ARPC2: variants seen among roughly 807,000 people sequenced by gnomAD.
The protein encoded by ARPC2 is actin-related protein 2/3 complex subunit 2.
In ARPC2, 4 loss-of-function variants were observed where a neutral mutation model predicts 38.6. That is an observed-to-expected ratio of 0.10 (90% CI 0.05 to 0.24). The LOEUF is 0.24. Among genes scored for constraint, ARPC2 ranks in the 10% least tolerant of loss-of-function variants. ARPC2 has a pLI of 1.00. For missense variants in ARPC2, 229 were observed against 387.3 expected (o/e 0.59, Z 3.43); for synonymous variants, 125 against 140.8 (o/e 0.89, Z 0.79).
intron 4 of ARPC2, 77 bp downstream of exon 4, chr2:218,228,927 A>G (rs1689568638): frequency 8.5e-6 from 8 of 939,326 alleles, no homozygotes; most frequent in Middle Eastern, 2.1e-4. Context: ...TGGAAGATCC[A>G]TGGCACTAAA....
intron 8 of ARPC2, among the ~76,000 whole-genome samples, chr2:218,246,214 T>C (rs1437971992): frequency 1.4e-5 from 2 of 142,492 alleles, no homozygotes; most frequent in Non-Finnish European, 3.0e-5. Flanking sequence ...AAGACTCTTG[T>C]CTCCAAAAAA....
chr2:218,225,168 TA>T (rs1243724270), intron 2 of ARPC2, among the ~76,000 whole-genome samples: 13 of 152,142 alleles, frequency 8.5e-5, no homozygotes, highest in Non-Finnish European at 1.5e-5. Context: ...TTATTGATGA[TA>T]GGGGAGAATG....
At chr2:218,217,704 C>T (rs991418755) in intron 2 of ARPC2, among the ~76,000 whole-genome samples, 160 bp downstream of exon 2, 2 of 152,106 alleles carry the variant, frequency 1.3e-5, no homozygotes, top group African/African-American at 4.8e-5. Flanking sequence ...CGATTGGGCG[C>T]GGCCGGGCGA....
At chr2:218,218,133 C>T (rs930326339) in intron 2 of ARPC2, among the ~76,000 whole-genome samples, 26 of 152,306 alleles carry the variant, frequency 1.7e-4, no homozygotes, top group African/African-American at 4.3e-4. Flanking sequence ...CTGTGAGAGA[C>T]ACTGGGCCAT....
At chr2:218,225,387 G>C (rs1006860678) in intron 2 of ARPC2, among the ~76,000 whole-genome samples, 2 of 152,172 alleles carry the variant, frequency 1.3e-5, no homozygotes, top group African/African-American at 4.8e-5. Flanking sequence ...AAGTACTTTG[G>C]TGATGTAAAG....
At position 218,238,808 on chromosome 2, in the gene ARPC2, G is replaced by T. The variant is rs1399025004; in HGVS notation, c.413G>T (p.Gly138Val). The change falls in exon 6 of 11, where the codon GGA becomes GTA. Residue 138 changes from glycine (G) to valine (V), a missense_variant. Around this residue, in one of 3 missense-constraint regions of ARPC2, gnomAD observed 135 missense variants for 214.1 expected, o/e 0.63. Transcript: ENST00000315717. ...CAATTCCAAGAAGAGGGCAAGGAAG[G>T]AGAGAACAGGGCAGTTATCCATTAT... ...YFQFQEEGKE[G>V]ENRAVIHYRD... 4.3e-6 allele frequency: 7 copies of T among 1,614,008 alleles called. No individual in the cohort carries two copies. Among genetic ancestry groups the T allele is most frequent in the Non-Finnish European group, 5.9e-6 (7 of 1,179,984 alleles).
At chr2:218,251,100 G>T (rs1412252890) in intron 10 of ARPC2, among the ~76,000 whole-genome samples, 1 of 152,070 alleles carries the variant, frequency 6.6e-6, no homozygotes, top group Non-Finnish European at 1.5e-5. Flanking sequence ...CCTCCCATCT[G>T]CTGTCTTTTG....
chr2:218,249,349 G>A lies in ARPC2; in HGVS notation c.677-15G>A. 6.3e-7 allele frequency: 1 copy of A among 1,595,876 alleles called. No homozygotes were observed. The highest frequency in any genetic ancestry group is 1.3e-5 in the African/African-American group (1 of 74,510). ...TGTCGTGTCCTGACGCCTTGTTTGT[G>A]TCTTCCGCCTTCAGTGCTGTTCCCT... On this transcript the variant is annotated splice_polypyrimidine_tract_variant and intron_variant, in intron 8 of 10. Transcript: ENST00000315717.
chr2:218,249,169 C>T (rs112571465), intron 8 of ARPC2, among the ~76,000 whole-genome samples, 195 bp from the exon 9 acceptor site: 206 of 152,306 alleles, frequency 1.4e-3, no homozygotes, highest in African/African-American at 4.8e-3. Context: ...CCTCCATTCA[C>T]GCTCGTTGAC....
intron 6 of ARPC2, chr2:218,239,164 A>G (rs1007773448): frequency 1.4e-5 from 8 of 585,286 alleles, no homozygotes; most frequent in Non-Finnish European, 2.4e-5. Flanking sequence ...TGTTATATTT[A>G]CAAGTCAATA....
At chr2:218,234,455 A>T in intron 5 of ARPC2, 58 bp downstream of exon 5, 3 of 1,339,320 alleles carry the variant, frequency 2.2e-6, no homozygotes, top group Non-Finnish European at 3.1e-6. Flanking sequence ...TCCTTTTTAT[A>T]TTATGCTTTT....
rs1690122235 is a variant in ARPC2, at chr2:218,249,274, A to C, written c.677-90A>C. On this transcript the variant is annotated intron_variant, in intron 8 of 10. Transcript: ENST00000315717. ...ACAAGTGGAGTGTACTTAAGCAGAG[A>C]GGGAGTGATGTTCACTAGGCTGTTG... 31 of 837,458 alleles carry C rather than the reference A, an allele frequency of 3.7e-5. No individual in the cohort carries two copies. The South Asian group carries it at 4.1e-4, about 11-fold the overall frequency. The allele number at this position is 837,458 out of a possible 1,614,324, so 51.9% of individuals were successfully genotyped here.
In ARPC2 at chr2:218,254,095, A is replaced by G. The variant is rs73086112; in HGVS notation, c.*180A>G. ...CGAGCTGTGCTTGCAAAGACTTCATAGTTCCCAAGAATTAAAAAAAAAAAA... is the reference window on the plus strand; with the variant it reads ...CGAGCTGTGCTTGCAAAGACTTCATGGTTCCCAAGAATTAAAAAAAAAAAA... On this transcript the variant is annotated 3_prime_UTR_variant, in exon 11 of 11. Coordinates refer to ENST00000315717, the MANE Select transcript of ARPC2 (RefSeq NM_152862.3). 4,987 of 544,760 alleles carry G rather than the reference A, an allele frequency of 9.2e-3. 168 individuals are homozygous for G. The highest frequency in any genetic ancestry group is 0.084 in the African/African-American group (4,288 of 50,952). The allele number at this position is 544,760 out of a possible 1,614,324, so 33.7% of individuals were successfully genotyped here.
intron 6 of ARPC2, 141 bp downstream of exon 6, chr2:218,238,991 T>C: frequency 1.4e-6 from 1 of 693,824 alleles, no homozygotes; most frequent in Non-Finnish European, 2.4e-6. Context: ...AGCCAGGAAG[T>C]AGATGATAGG....
intron 3 of ARPC2, chr2:218,226,864 G>T: frequency 4.1e-6 from 1 of 244,446 alleles, no homozygotes; most frequent in South Asian, 3.6e-5. Flanking sequence ...GTAGCTGTCA[G>T]TCTTAGTTTG....
chr2:218,233,510 G>C (rs370253345), intron 4 of ARPC2: 2 of 151,726 alleles, frequency 1.3e-5, no homozygotes, highest in Non-Finnish European at 2.9e-5. Context: ...GTTCTGGTTT[G>C]GGGGGAAAGA....
chr2:218,232,381 C>T (rs942234155), intron 4 of ARPC2, among the ~76,000 whole-genome samples: 2 of 152,094 alleles, frequency 1.3e-5, no homozygotes, highest in Admixed American at 6.5e-5. Context: ...GTTGCTATAA[C>T]AGAATACCAC....
intron 7 of ARPC2, 53 bp from the exon 8 acceptor site, chr2:218,245,367 C>G: frequency 6.2e-7 from 1 of 1,610,766 alleles, no homozygotes; most frequent in Non-Finnish European, 8.5e-7. Context: ...GCTTGAGTTG[C>G]CACTCATCTT....
chr2:218,240,210 C>G (rs919508641), intron 7 of ARPC2, among the ~76,000 whole-genome samples: 2 of 152,152 alleles, frequency 1.3e-5, no homozygotes, highest in Non-Finnish European at 2.9e-5. Flanking sequence ...GCCTCAGCCT[C>G]CCAAAGTGCT....
Sources: gnomAD v4.1 joint callset for allele counts (sites outside exome capture counted in the v4.1 genomes callset) on GRCh38, gnomAD v4.1.1 for gene constraint, gnomAD v4.1.1 regional missense constraint, MANE v1.5 for transcripts, NCBI Gene and HGNC (gene_info 2026-07-23, HGNC 2026-07-21) for gene names.